The following DLG2 variants were observed in gnomAD, a reference collection of about 807,000 sequenced individuals.
The protein encoded by DLG2 is disks large homolog 2.
Under a neutral mutation model 132.5 loss-of-function variants are expected in DLG2, and 45 were observed. The observed-to-expected ratio is 0.34, with a 90% CI of 0.27 to 0.44. The LOEUF is 0.44. Ranked by LOEUF, DLG2 falls within the 20% of genes least tolerant of loss-of-function variation. The probability of loss-of-function intolerance (pLI) is 1.00; values close to 1 mark genes in which losing one functional copy is unlikely to be tolerated. For missense variants in DLG2, 1,045 were observed against 1,196.9 expected (o/e 0.87, Z 1.87); for synonymous variants, 424 against 419.6 (o/e 1.01, Z -0.13).
intron 4 of DLG2, among the ~76,000 whole-genome samples, chr11:85,210,535 T>C (rs1432389146): frequency 6.6e-6 from 1 of 152,140 alleles, no homozygotes; most frequent in Non-Finnish European, 1.5e-5. Flanking sequence ...ACACTTTTCT[T>C]ATACTTTTTT....
intron 17 of DLG2, among the ~76,000 whole-genome samples, chr11:83,822,886 G>A (rs757487694): frequency 3.9e-5 from 6 of 152,200 alleles, no homozygotes; most frequent in Admixed American, 6.5e-5. Context: ...AGTAGTTAGC[G>A]TTAGAGGTAA....
intron 3 of DLG2, among the ~76,000 whole-genome samples, chr11:85,589,067 G>C (rs754076593): frequency 7.2e-5 from 11 of 152,330 alleles, no homozygotes; most frequent in Admixed American, 2.0e-4. Flanking sequence ...TGCCCTGTTG[G>C]AGGTGGCAGG....
At chr11:85,228,807 C>T (rs1353842316) in intron 4 of DLG2, among the ~76,000 whole-genome samples, 1 of 151,470 alleles carries the variant, frequency 6.6e-6, no homozygotes, top group Non-Finnish European at 1.5e-5. Flanking sequence ...ATTGTCATTT[C>T]TTATCCTATT....
At chr11:85,546,347 G>T (rs1161634240) in intron 3 of DLG2, among the ~76,000 whole-genome samples, 1 of 152,170 alleles carries the variant, frequency 6.6e-6, no homozygotes. Context: ...TTGCACTGTG[G>T]TCTGAGAGAC....
intron 3 of DLG2, among the ~76,000 whole-genome samples, chr11:85,464,578 A>G (rs182869781): frequency 6.6e-6 from 1 of 152,286 alleles, no homozygotes; most frequent in Non-Finnish European, 1.5e-5. Context: ...CTTAGGTACT[A>G]TAACAGCAAA....
chr11:85,407,935 CT>C (rs1000307132), intron 3 of DLG2, among the ~76,000 whole-genome samples: 3 of 151,260 alleles, frequency 2.0e-5, no homozygotes, highest in Admixed American at 1.3e-4. Flanking sequence ...TGTTGGAAGT[CT>C]TTTGGAGTAC....
chr11:85,150,827 G>A (rs1255083029), intron 5 of DLG2, among the ~76,000 whole-genome samples: 1 of 151,682 alleles, frequency 6.6e-6, no homozygotes, highest in East Asian at 1.9e-4. Flanking sequence ...AAATAAGGCT[G>A]TGATGACCAT....
intron 3 of DLG2, among the ~76,000 whole-genome samples, chr11:85,519,291 C>T (rs554480164): frequency 3.1e-4 from 47 of 152,284 alleles, no homozygotes; most frequent in African/African-American, 1.1e-3. Context: ...GAGGCTGTAC[C>T]CTGAAAAACC....
chr11:83,740,568 C>T (rs754970227), intron 18 of DLG2, among the ~76,000 whole-genome samples: 9 of 152,066 alleles, frequency 5.9e-5, no homozygotes, highest in Non-Finnish European at 8.8e-5. Flanking sequence ...GTGGTGATCA[C>T]GTAGGTATCT....
At chr11:83,749,115 C>A (rs1165021041) in intron 18 of DLG2, among the ~76,000 whole-genome samples, 2 of 152,088 alleles carry the variant, frequency 1.3e-5, no homozygotes, top group Non-Finnish European at 2.9e-5. Flanking sequence ...GCAATAGGTC[C>A]TTCTAGACTT....
At chr11:84,462,483 A>G (rs2099082991) in intron 7 of DLG2, among the ~76,000 whole-genome samples, 1 of 151,126 alleles carries the variant, frequency 6.6e-6, no homozygotes, top group African/African-American at 2.4e-5. Flanking sequence ...TAGAAGAAAC[A>G]TTGCCCAGCC....
At chr11:85,136,914 T>A (rs2076174804) in intron 5 of DLG2, among the ~76,000 whole-genome samples, 1 of 151,522 alleles carries the variant, frequency 6.6e-6, no homozygotes, top group Non-Finnish European at 1.5e-5. Flanking sequence ...GTTATGCTAT[T>A]TTTTGATAGT....
intron 5 of DLG2, among the ~76,000 whole-genome samples, chr11:85,129,242 T>C (rs547826939): frequency 1.3e-5 from 2 of 152,316 alleles, no homozygotes; most frequent in South Asian, 2.1e-4. Context: ...TTGGGATCCA[T>C]GTGACAGAAA....
intron 11 of DLG2, among the ~76,000 whole-genome samples, chr11:84,020,631 A>G (rs750411496): frequency 2.0e-5 from 3 of 152,218 alleles, no homozygotes; most frequent in Admixed American, 6.5e-5. Flanking sequence ...TTTTGAAGTC[A>G]TAAGAGTTAT....
intron 6 of DLG2, among the ~76,000 whole-genome samples, chr11:84,972,466 T>A (rs1474298413): frequency 6.6e-6 from 1 of 152,250 alleles, no homozygotes; most frequent in Non-Finnish European, 1.5e-5. Context: ...CCTTTCTTGA[T>A]GAATCCTTCT....
intron 3 of DLG2, among the ~76,000 whole-genome samples, chr11:85,495,597 G>C (rs1389796566): frequency 6.6e-6 from 1 of 152,146 alleles, no homozygotes; most frequent in African/African-American, 2.4e-5. Flanking sequence ...TCTCATGCCA[G>C]TTAGAATGGT....
chr11:83,752,288 A>G (rs2093359799), intron 18 of DLG2, among the ~76,000 whole-genome samples: 2 of 151,534 alleles, frequency 1.3e-5, no homozygotes, highest in East Asian at 3.9e-4. Flanking sequence ...AAAAAAAAAG[A>G]GGAATAAGCC....
chr11:84,953,548 G>A (rs1383144857), intron 6 of DLG2, among the ~76,000 whole-genome samples: 1 of 152,042 alleles, frequency 6.6e-6, no homozygotes, highest in African/African-American at 2.4e-5. Context: ...ACTATGGACA[G>A]TTTACTTAAT....
chr11:84,197,232 A>G (rs929007926), intron 8 of DLG2, among the ~76,000 whole-genome samples: 2 of 152,262 alleles, frequency 1.3e-5, no homozygotes, highest in Admixed American at 6.5e-5. Flanking sequence ...CTCTAGGTCC[A>G]CATACCTAAT....
Sources: allele counts gnomAD v4.1 joint callset (sites outside exome capture counted in the v4.1 genomes callset), GRCh38; gene constraint gnomAD v4.1.1; transcripts MANE v1.5; gene names NCBI Gene and HGNC (gene_info 2026-07-23, HGNC 2026-07-21).